Variants in TTLL5 observed in about 807,000 individuals in gnomAD.
TTLL5 encodes the protein tubulin tyrosine ligase like 5.
TTLL5 carries 132 observed loss-of-function variants against 168.4 expected under a neutral mutation model. That is an observed-to-expected ratio of 0.78 (90% CI 0.68 to 0.91). The LOEUF (loss-of-function observed/expected upper bound fraction) is 0.91. Ranked by LOEUF, TTLL5 falls within the 40% of genes least tolerant of loss-of-function variation. TTLL5 has a pLI of 0.00. For synonymous variants in TTLL5, 546 were observed against 558.6 expected (o/e 0.98, Z 0.32); for missense variants, 1,545 against 1,581.5 (o/e 0.98, Z 0.39).
chr14:75,926,035 C>A (rs1406372234), intron 31 of TTLL5, among the ~76,000 whole-genome samples: 1 of 148,202 alleles, frequency 6.7e-6, no homozygotes, highest in Non-Finnish European at 1.5e-5. Flanking sequence ...CAGAGGGAGA[C>A]CGGGGAAAGA....
intron 27 of TTLL5, among the ~76,000 whole-genome samples, chr14:75,812,341 A>C (rs1894096590): frequency 6.6e-6 from 1 of 152,192 alleles, no homozygotes; most frequent in Non-Finnish European, 1.5e-5. Context: ...GCAGTTACTC[A>C]CTTAGCAGCA....
chr14:75,781,450 CTT>C (rs1298371170), intron 24 of TTLL5, among the ~76,000 whole-genome samples: 1 of 152,054 alleles, frequency 6.6e-6, no homozygotes, highest in Non-Finnish European at 1.5e-5. Flanking sequence ...TGTCTTTATT[CTT>C]TCACTCTGAA....
chr14:75,744,298 T>C (rs936539866), intron 15 of TTLL5: 5 of 152,308 alleles, frequency 3.3e-5, no homozygotes, highest in Non-Finnish European at 7.3e-5. Flanking sequence ...ATTATTATGC[T>C]TTTATACTGA....
In TTLL5 at chr14:75,783,419, GGCCT is replaced by G; in HGVS notation, c.2879_2882del (p.Leu960HisfsTer40). On this transcript the variant is annotated frameshift_variant, in exon 26 of 32. Transcript: ENST00000298832. LOFTEE classifies it high-confidence loss of function. ...GGCACAGAACATCCCAAGCCCTACT[GGCCT>G]GCCACGCTGTCGATCAGGAAGTCAC... The G allele has an allele frequency of 1.2e-6, 2 of 1,614,120 alleles. No homozygotes were observed. Among genetic ancestry groups the G allele is most frequent in the Non-Finnish European group, 1.7e-6 (2 of 1,180,008 alleles).
At chr14:75,732,105 A>T in intron 12 of TTLL5, 1 of 440,410 alleles carries the variant, frequency 2.3e-6, no homozygotes, top group Non-Finnish European at 4.0e-6. Context: ...ATCAATAGAC[A>T]CTGCATGATA....
chr14:75,839,768 A>G (rs772817823), intron 28 of TTLL5, among the ~76,000 whole-genome samples: 35 of 152,204 alleles, frequency 2.3e-4, no homozygotes, highest in Admixed American at 2.6e-4. Flanking sequence ...TCACCATCCT[A>G]ACGGGTGTGA....
chr14:75,733,106 A>G (rs1888648400), intron 13 of TTLL5, among the ~76,000 whole-genome samples: 1 of 152,256 alleles, frequency 6.6e-6, no homozygotes. Context: ...ATGCCAAGGA[A>G]TCAAATAAAG....
Position 75,915,088 on chromosome 14 carries a change from C to T in TTLL5, c.3823+12864C>T, listed in dbSNP as rs139255247. 1.1e-4 allele frequency among the ~76,000 whole-genome samples: 17 copies of T among 152,274 alleles called. No individual in the cohort carries two copies. In the East Asian group the frequency reaches 2.1e-3, roughly 19 times the overall value. ...AGATTGAATTTATTTGGAAAACATT[C>T]GCTTTCAGCTTTTTTTTTCTCCCCT... is the stretch of plus-strand genomic sequence containing the variant. On this transcript the variant is annotated intron_variant, in intron 31 of 31. Coordinates refer to ENST00000298832, the MANE Select transcript of TTLL5 (RefSeq NM_015072.5).
At position 75,766,066 on chromosome 14, in the gene TTLL5, T is replaced by C. The variant is rs1357217802; in HGVS notation, c.1713T>C (p.Ile571=). ...LRAMRPKYPV[I]TQPAEMNVKT... The stretch of plus-strand genomic sequence containing the variant: ...TTAGTGATTCTTCGTATTTAGTGAT[T>C]ACCCAACCAGCTGAAATGAATGTTA... Residue 571 remains isoleucine (I), a synonymous_variant, in exon 20 of 32, where the codon ATT becomes ATC. Coordinates refer to ENST00000298832, the MANE Select transcript of TTLL5 (RefSeq NM_015072.5). 1.2e-6 allele frequency: 2 copies of C among 1,609,654 alleles called. No homozygotes were observed.
At chr14:75,689,906 T>G (rs1728344361) in intron 5 of TTLL5, 1 of 290,852 alleles carries the variant, frequency 3.4e-6, no homozygotes, top group Non-Finnish European at 6.3e-6. Flanking sequence ...TTGATTGTGG[T>G]GGTGGTTACA....
chr14:75,678,342 T>C (rs559890380), intron 3 of TTLL5, among the ~76,000 whole-genome samples: 5 of 152,356 alleles, frequency 3.3e-5, no homozygotes, highest in Non-Finnish European at 5.9e-5. Flanking sequence ...CATGCCCTAA[T>C]ACATTATTCA....
At chr14:75,929,483 G>A (rs996565110) in intron 31 of TTLL5, among the ~76,000 whole-genome samples, 1 of 113,478 alleles carries the variant, frequency 8.8e-6, no homozygotes, top group Non-Finnish European at 1.7e-5. Context: ...ATGGAGTCTC[G>A]CTCTGTCGCC....
At chr14:75,827,964 G>A (rs1019516658) in intron 28 of TTLL5, among the ~76,000 whole-genome samples, 5 of 151,706 alleles carry the variant, frequency 3.3e-5, no homozygotes, top group Non-Finnish European at 7.4e-5. Flanking sequence ...CAGTCCACCC[G>A]CCTCAGTCTC....
intron 12 of TTLL5, among the ~76,000 whole-genome samples, chr14:75,729,022 T>C (rs1055886091): frequency 1.3e-5 from 2 of 152,136 alleles, no homozygotes; most frequent in African/African-American, 4.8e-5. Flanking sequence ...TGGGAATAAA[T>C]AGGTATTAAG....
chr14:75,914,033 A>AAAAATATATATATATATAT, intron 31 of TTLL5, among the ~76,000 whole-genome samples: 1 of 71,096 alleles, frequency 1.4e-5, no homozygotes, highest in Non-Finnish European at 2.1e-5. Context: ...AAAAAAAAAA[A>AAAAATATATATATATATAT]ATATATATAT....
chr14:75,906,605 A>C, intron 31 of TTLL5: 1 of 985,940 alleles, frequency 1.0e-6, no homozygotes, highest in Non-Finnish European at 1.2e-6. Context: ...ACCCTTGCCC[A>C]CACAATCTGA....
In TTLL5 at chr14:75,821,850, C is replaced by G. The variant is rs1414522086; in HGVS notation, c.3326+1689C>G. On this transcript the variant is annotated intron_variant, in intron 28 of 31. Coordinates refer to ENST00000298832, the MANE Select transcript of TTLL5 (RefSeq NM_015072.5). ...AGCCAAAAAGCAATCCCCACAAAGT[C>G]CCCTGGTCTTTTCCTTTTCTTTTTA... 2.6e-5 allele frequency among the ~76,000 whole-genome samples: 4 copies of G among 152,144 alleles called. No individual in the cohort carries two copies. The South Asian group carries it at 8.3e-4, about 32-fold the overall frequency.
intron 31 of TTLL5, among the ~76,000 whole-genome samples, chr14:75,940,142 C>T (rs911811212): frequency 2.2e-5 from 3 of 137,166 alleles, no homozygotes; most frequent in African/African-American, 8.4e-5. Context: ...TGCAGTGGCG[C>T]GATCTCAGCT....
intron 7 of TTLL5, among the ~76,000 whole-genome samples, chr14:75,702,572 A>G (rs1886349291): frequency 1.3e-5 from 2 of 152,184 alleles, no homozygotes; most frequent in African/African-American, 4.8e-5. Flanking sequence ...AGCTAGCATC[A>G]TAAAGGATAG....
Sources: allele counts gnomAD v4.1 joint callset (sites outside exome capture counted in the v4.1 genomes callset), GRCh38; gene constraint gnomAD v4.1.1; transcripts MANE v1.5; gene names NCBI Gene and HGNC (gene_info 2026-07-23, HGNC 2026-07-21).